Variants in ZPLD1 observed in about 807,000 individuals in gnomAD.
ZPLD1 encodes zona pellucida-like domain-containing protein 1.
In ZPLD1, 34 loss-of-function variants were observed where a neutral mutation model predicts 47.2. That is an observed-to-expected ratio of 0.72 (90% CI 0.55 to 0.96). The LOEUF (loss-of-function observed/expected upper bound fraction) is 0.96, where lower values mean the gene tolerates loss of function less well. ZPLD1 is among the 40% of genes least tolerant of loss of function. The pLI is 0.00. For synonymous variants in ZPLD1, 176 were observed against 186.2 expected, an observed-to-expected ratio of 0.95 and a Z score of 0.45; for missense variants, 512 against 505.8, an observed-to-expected ratio of 1.01 and a Z score of -0.12.
upstream of ZPLD1, chr3:102,435,010 G>A (rs1707064953): frequency 2.4e-6 from 3 of 1,273,900 alleles, no homozygotes; most frequent in Admixed American, 1.8e-5. Flanking sequence ...TGTTTTTGAG[G>A]AATGTAAAGG....
At chr3:102,456,969 C>T (rs1483425573) in intron 5 of ZPLD1, among the ~76,000 whole-genome samples, 1 of 152,190 alleles carries the variant, frequency 6.6e-6, no homozygotes, top group Non-Finnish European at 1.5e-5. Flanking sequence ...TTTATATTCA[C>T]GTATGCATTA....
rs373856922 is a variant in ZPLD1, at chr3:102,386,632, A to T, written c.-213+1315A>T. On this transcript the variant is annotated intron_variant, in intron 6 of 17. Transcript: ENST00000491959. ...ATAAAATGTTATCTAAAAATAGTGT[A>T]TGTGTCTCATCACCCCAAAGTTAGG... Among the ~76,000 whole-genome samples, 24 of 152,288 alleles carry T rather than the reference A, an allele frequency of 1.6e-4. No homozygotes were observed. In the East Asian group the frequency reaches 3.3e-3, roughly 21 times the overall value.
chr3:102,447,344 G>C (rs1032460531), intron 3 of ZPLD1, among the ~76,000 whole-genome samples: 2 of 152,110 alleles, frequency 1.3e-5, no homozygotes, highest in African/African-American at 4.8e-5. Context: ...GATTACAAGC[G>C]TGAGCCACCA....
At chr3:102,469,230 T>C in intron 9 of ZPLD1, 95 bp downstream of exon 9, 1 of 1,299,302 alleles carries the variant, frequency 7.7e-7, no homozygotes, top group Non-Finnish European at 1.1e-6. Context: ...AGAAAGTGGA[T>C]ATGTGTTAGA....
intron 10 of ZPLD1, among the ~76,000 whole-genome samples, chr3:102,476,725 G>A (rs183213061): frequency 2.0e-4 from 30 of 152,208 alleles, no homozygotes; most frequent in Admixed American, 2.0e-3. Flanking sequence ...CAAGAAAACA[G>A]CACACTGTAT....
At chr3:102,470,301 G>A (rs1249945259) in intron 9 of ZPLD1, 93 bp from the exon 10 acceptor site, 29 of 847,826 alleles carry the variant, frequency 3.4e-5, no homozygotes, top group South Asian at 1.5e-4. Context: ...TAAACATGTG[G>A]TATCTCTTCC....
intron 7 of ZPLD1, among the ~76,000 whole-genome samples, chr3:102,414,438 A>C (rs1004547179): frequency 1.3e-5 from 2 of 151,844 alleles, no homozygotes; most frequent in Admixed American, 1.3e-4. Flanking sequence ...GTGAGCTGAT[A>C]CAGTAATTGC....
intron 7 of ZPLD1, among the ~76,000 whole-genome samples, chr3:102,404,708 T>C (rs886919271): frequency 6.6e-6 from 1 of 152,038 alleles, no homozygotes; most frequent in African/African-American, 2.4e-5. Context: ...GAGCAAGATG[T>C]ATTAACTCTT....
chr3:102,424,358 A>C (rs929073012), intron 8 of ZPLD1, among the ~76,000 whole-genome samples: 8 of 152,166 alleles, frequency 5.3e-5, no homozygotes, highest in African/African-American at 1.9e-4. Flanking sequence ...TCACAAATGA[A>C]TGTCCTATAT....
chr3:102,435,424 C>A (rs1472301256), intron 1 of ZPLD1, among the ~76,000 whole-genome samples: 1 of 152,158 alleles, frequency 6.6e-6, no homozygotes, highest in East Asian at 1.9e-4. Flanking sequence ...CCATGAGACA[C>A]TTTGTATTGT....
upstream of ZPLD1, among the ~76,000 whole-genome samples, chr3:102,432,611 G>A (rs1031141589): frequency 6.6e-6 from 1 of 152,090 alleles, no homozygotes; most frequent in Non-Finnish European, 1.5e-5. Flanking sequence ...AGGCACTTTC[G>A]AACATGTTCA....
chr3:102,467,549 TAG>T (rs1208857670), intron 8 of ZPLD1, among the ~76,000 whole-genome samples: 1 of 152,076 alleles, frequency 6.6e-6, no homozygotes, highest in Non-Finnish European at 1.5e-5. Context: ...TAGTGTAAGA[TAG>T]AGTGTGGTAC....
At chr3:102,429,126 T>C (rs1706985612) in intron 8 of ZPLD1, among the ~76,000 whole-genome samples, 1 of 152,180 alleles carries the variant, frequency 6.6e-6, no homozygotes, top group Non-Finnish European at 1.5e-5. Context: ...TTATAGTCTA[T>C]GTAAGGGCTT....
At chr3:102,452,882 C>A in intron 3 of ZPLD1, 37 bp from the exon 4 acceptor site, 1 of 1,600,496 alleles carries the variant, frequency 6.2e-7, no homozygotes, top group Non-Finnish European at 8.5e-7. Flanking sequence ...TTCTGCTTTT[C>A]TGACTTATGT....
At chr3:102,388,062 G>T (rs1045613283) in intron 6 of ZPLD1, among the ~76,000 whole-genome samples, 87 of 151,830 alleles carry the variant, frequency 5.7e-4, no homozygotes, top group African/African-American at 1.9e-3. Context: ...GGGTTTCACC[G>T]TGTTAGCCAG....
At chr3:102,440,212 A>G (rs767216013) in intron 3 of ZPLD1, among the ~76,000 whole-genome samples, 27 of 152,206 alleles carry the variant, frequency 1.8e-4, no homozygotes, top group Non-Finnish European at 2.4e-4. Flanking sequence ...AAGAGGTTTG[A>G]TGTGGTCACA....
intron 8 of ZPLD1, 59 bp from the exon 9 acceptor site, chr3:102,468,905 A>G (rs918947009): frequency 2.8e-5 from 42 of 1,504,062 alleles, no homozygotes; most frequent in Non-Finnish European, 3.7e-5. Context: ...TTAATTTACA[A>G]GTCCCAGTAG....
chr3:102,458,682 T>TA (rs1707457276), intron 6 of ZPLD1, among the ~76,000 whole-genome samples: 1 of 152,156 alleles, frequency 6.6e-6, no homozygotes, highest in South Asian at 2.1e-4. Context: ...CAAAGGCATT[T>TA]AAAAAAATCA....
At position 102,464,262 on chromosome 3, in the gene ZPLD1, G is replaced by GA; in HGVS notation, c.761+11_761+12insA. 6.3e-7 allele frequency: 1 copy of GA among 1,589,674 alleles called. No individual in the cohort carries two copies. Among genetic ancestry groups the GA allele is most frequent in the Non-Finnish European group, 8.6e-7 (1 of 1,158,124 alleles). ...TGATCTTTTCCTTAGGTAAGACTTA[G>GA]CTGTCTAAGTATTATATTGATACCA... On this transcript the variant is annotated intron_variant, in intron 8 of 11. Coordinates refer to ENST00000466937, the MANE Select transcript of ZPLD1 (RefSeq NM_001329788.2).
Sources: allele counts gnomAD v4.1 joint callset (sites outside exome capture counted in the v4.1 genomes callset), GRCh38; gene constraint gnomAD v4.1.1; transcripts MANE v1.5; gene names NCBI Gene and HGNC (gene_info 2026-07-23, HGNC 2026-07-21).